MALRD1: variants seen among roughly 807,000 people sequenced by gnomAD.
MALRD1 encodes the protein MAM and LDL receptor class A domain containing 1.
Under a neutral mutation model 242.1 loss-of-function variants are expected in MALRD1, and 247 were observed. That is an observed-to-expected ratio of 1.02 (90% CI 0.92 to 1.13). The LOEUF is 1.13. Among genes scored for constraint, MALRD1 ranks in the 50% most tolerant of loss-of-function variants. MALRD1 has a pLI of 0.00. For synonymous variants in MALRD1, 995 were observed against 866.6 expected, an observed-to-expected ratio of 1.15 and a Z score of -2.60; for missense variants, 2,989 against 2,533.1, an observed-to-expected ratio of 1.18 and a Z score of -3.86.
chr10:19,121,569 G>A (rs966701587), intron 5 of MALRD1, among the ~76,000 whole-genome samples: 2 of 151,998 alleles, frequency 1.3e-5, no homozygotes, highest in African/African-American at 4.8e-5. Flanking sequence ...GGCCATTTAG[G>A]TCCTGAAGGA....
chr10:19,542,015 A>G (rs1231052031), intron 32 of MALRD1, among the ~76,000 whole-genome samples: 2 of 152,194 alleles, frequency 1.3e-5, no homozygotes, highest in African/African-American at 4.8e-5. Flanking sequence ...ATGACCTTCA[A>G]AATAGACTTT....
chr10:19,132,842 T>A (rs759817375), intron 8 of MALRD1, among the ~76,000 whole-genome samples: 21 of 152,138 alleles, frequency 1.4e-4, no homozygotes, highest in Non-Finnish European at 2.8e-4. Context: ...TAAATAAAAA[T>A]AAGATTTCAG....
chr10:19,163,386 C>G (rs956096246), intron 12 of MALRD1, among the ~76,000 whole-genome samples: 9 of 151,170 alleles, frequency 6.0e-5, no homozygotes, highest in Non-Finnish European at 1.3e-4. Flanking sequence ...TTATCCTTAG[C>G]AAACTAACAC....
chr10:19,645,476 G>C (rs148366082), intron 36 of MALRD1, among the ~76,000 whole-genome samples: 5 of 152,254 alleles, frequency 3.3e-5, no homozygotes, highest in Admixed American at 2.0e-4. Context: ...TTGGAACCAA[G>C]CCAAATGTCC....
At chr10:19,151,649 G>A (rs879678745) in intron 11 of MALRD1, among the ~76,000 whole-genome samples, 28 of 152,068 alleles carry the variant, frequency 1.8e-4, no homozygotes, top group Non-Finnish European at 3.7e-4. Context: ...TAAGTGCCAT[G>A]CTTACTGAAA....
At chr10:19,240,129 G>A (rs1353070368) in intron 18 of MALRD1, among the ~76,000 whole-genome samples, 1 of 152,052 alleles carries the variant, frequency 6.6e-6, no homozygotes, top group African/African-American at 2.4e-5. Context: ...CAATCCATGA[G>A]TATATAATGT....
intron 32 of MALRD1, among the ~76,000 whole-genome samples, chr10:19,558,743 A>T (rs899757428): frequency 3.9e-5 from 6 of 152,072 alleles, no homozygotes; most frequent in African/African-American, 1.4e-4. Flanking sequence ...TTTGTTTTGA[A>T]AGGTTATTAA....
rs187157500 is a variant in MALRD1, at chr10:19,530,610, G to A, written c.5321-584G>A. 4.2e-3 allele frequency among the ~76,000 whole-genome samples: 627 copies of A among 150,442 alleles called. 7 individuals carry two copies. The highest frequency in any genetic ancestry group is 6.5e-3 in the Non-Finnish European group (440 of 67,708). On this transcript the variant is annotated intron_variant, in intron 31 of 39. Coordinates refer to ENST00000454679, the MANE Select transcript of MALRD1 (RefSeq NM_001142308.3). ...ACCCACAAAGGGGAATGATAGCTAT[G>A]ATGAATTTCTGACAATGGCAACAGA...
At chr10:19,431,382 A>C (rs2496104) in intron 28 of MALRD1, among the ~76,000 whole-genome samples, 98,080 of 151,914 alleles carry the variant, frequency 0.65, 31,806 homozygotes, top group Middle Eastern at 0.7. Flanking sequence ...TTTGACTTGT[A>C]TATTGTTAAG....
intron 32 of MALRD1, among the ~76,000 whole-genome samples, chr10:19,537,344 C>T (rs1160736928): frequency 2.0e-5 from 3 of 152,148 alleles, no homozygotes; most frequent in African/African-American, 7.2e-5. Context: ...TTACCAAATA[C>T]CATTGACTGC....
chr10:19,247,970 G>A (rs1324498299), intron 18 of MALRD1, among the ~76,000 whole-genome samples: 1 of 151,978 alleles, frequency 6.6e-6, no homozygotes, highest in Non-Finnish European at 1.5e-5. Context: ...GACAGAAAAA[G>A]GAAGTGACAT....
intron 18 of MALRD1, among the ~76,000 whole-genome samples, chr10:19,225,137 T>A (rs1289476169): frequency 2.0e-5 from 3 of 152,122 alleles, no homozygotes; most frequent in African/African-American, 7.2e-5. Flanking sequence ...GTCAGAGATA[T>A]GTTGTATATT....
chr10:19,567,333 A>G (rs1836298837), intron 32 of MALRD1, among the ~76,000 whole-genome samples, 169 bp from the exon 33 acceptor site: 1 of 152,192 alleles, frequency 6.6e-6, no homozygotes, highest in South Asian at 2.1e-4. Context: ...GGAAAATATA[A>G]CATCCATTGG....
intron 28 of MALRD1, among the ~76,000 whole-genome samples, chr10:19,428,762 T>C (rs930901395): frequency 6.6e-6 from 1 of 152,192 alleles, no homozygotes; most frequent in Admixed American, 6.5e-5. Context: ...AAAGTTTACG[T>C]ATAAGTTAAT....
chr10:19,188,256 C>A (rs1201298140), intron 14 of MALRD1, among the ~76,000 whole-genome samples: 1 of 152,142 alleles, frequency 6.6e-6, no homozygotes, highest in South Asian at 2.1e-4. Flanking sequence ...TTGATAGTTG[C>A]TAAGCAAGGA....
chr10:19,674,100 C>T (rs911835764), intron 36 of MALRD1, among the ~76,000 whole-genome samples: 1 of 151,998 alleles, frequency 6.6e-6, no homozygotes, highest in African/African-American at 2.4e-5. Flanking sequence ...ACCTCAATTC[C>T]ATGAAAGCGC....
At chr10:19,095,998 A>T (rs1300077282) in intron 4 of MALRD1, among the ~76,000 whole-genome samples, 1 of 152,178 alleles carries the variant, frequency 6.6e-6, no homozygotes, top group Non-Finnish European at 1.5e-5. Flanking sequence ...TCATTTACAC[A>T]TCTTTTTCAA....
At chr10:19,165,895 C>G in intron 13 of MALRD1, 85 bp downstream of exon 13, 1 of 1,013,674 alleles carries the variant, frequency 9.9e-7, no homozygotes, top group Admixed American at 4.3e-5. Context: ...ACACACATAG[C>G]TCATACCTTT....
At chr10:19,603,995 T>G (rs1333194014) in intron 34 of MALRD1, among the ~76,000 whole-genome samples, 1 of 152,196 alleles carries the variant, frequency 6.6e-6, no homozygotes, top group East Asian at 1.9e-4. Context: ...TTTGGCCAAC[T>G]ACAATAGCTT....
Sources: gnomAD v4.1 joint callset for allele counts (sites outside exome capture counted in the v4.1 genomes callset) on GRCh38, gnomAD v4.1.1 for gene constraint, MANE v1.5 for transcripts, NCBI Gene and HGNC (gene_info 2026-07-23, HGNC 2026-07-21) for gene names.